Variants in GLT8D2 observed in about 807,000 individuals in gnomAD.
The protein encoded by GLT8D2 is glycosyltransferase 8 domain-containing protein 2.
A neutral mutation model predicts 44.5 loss-of-function variants in GLT8D2; 45 were observed. The observed-to-expected ratio is 1.01, with a 90% CI of 0.80 to 1.30. The LOEUF (loss-of-function observed/expected upper bound fraction) is 1.30, where lower values mean the gene tolerates loss of function less well. Ranked by LOEUF, GLT8D2 falls within the 50% of genes most tolerant of loss-of-function variation. GLT8D2 has a pLI of 0.00. For synonymous variants in GLT8D2, 156 were observed against 157.2 expected, an observed-to-expected ratio of 0.99 and a Z score of 0.06; for missense variants, 400 against 430.4, an observed-to-expected ratio of 0.93 and a Z score of 0.62.
rs138364685 is a variant in GLT8D2, at chr12:104,034,231, A to C, written c.-163-12740T>G. On this transcript the variant is annotated intron_variant, in intron 1 of 10. Transcript: ENST00000360814. Reference sequence around the variant, plus strand: ...CAGCTCCCAGCGTGATTGATGCAGAAGATGGGTGATTTCTGCATTTCCAAC... The same window carrying C: ...CAGCTCCCAGCGTGATTGATGCAGACGATGGGTGATTTCTGCATTTCCAAC... 8.7e-3 allele frequency among the ~76,000 whole-genome samples: 1,322 copies of C among 152,378 alleles called. 6 individuals carry two copies. The highest frequency in any genetic ancestry group is 0.034 in the Middle Eastern group (10 of 294).
Position 103,989,218 on chromosome 12 carries a change from T to C in GLT8D2, c.*190A>G, listed in dbSNP as rs188629782. 1.9e-4 allele frequency: 80 copies of C among 427,798 alleles called. No homozygotes were observed. In the Middle Eastern group the frequency reaches 3.7e-3, roughly 20 times the overall value. 26.5% of individuals were successfully genotyped at this position (427,798 alleles called of 1,614,324 possible). A position where few individuals can be genotyped will look rare whatever the true frequency, so the allele number is the denominator to read the frequency against. On this transcript the variant is annotated 3_prime_UTR_variant, in exon 11 of 11. Coordinates refer to ENST00000360814, the MANE Select transcript of GLT8D2 (RefSeq NM_001384711.1). The stretch of plus-strand genomic sequence containing the variant: ...CACATAATCTTGATTTCCATAGTTA[T>C]CACATGTACTTAAAGAAGTTAATCA...
Position 103,996,840 on chromosome 12 carries a change from G to C in GLT8D2, c.495C>G (p.Ile165Met), listed in dbSNP as rs1337182989. ...CCAAGGTGGTGTCATACAGTTCTTG[G>C]ATATCACCTGAATTTAGAAACACCA... ...LDDDVIVQGD[I>M]QELYDTTLAL... Residue 165 changes from isoleucine to methionine, a missense_variant, in exon 8 of 11, where the codon ATC (isoleucine) becomes ATG (methionine). Ile to Met is a conservative substitution (Grantham distance 10). Coordinates refer to ENST00000360814, the MANE Select transcript of GLT8D2 (RefSeq NM_001384711.1). The C allele has an allele frequency of 6.2e-7, 1 of 1,609,928 alleles. No homozygotes were observed. Among genetic ancestry groups the C allele is most frequent in the African/African-American group, 1.3e-5 (1 of 74,772 alleles).
chr12:104,059,294 A>T (rs1002372811), intron 1 of GLT8D2, among the ~76,000 whole-genome samples: 12 of 152,166 alleles, frequency 7.9e-5, no homozygotes, highest in Non-Finnish European at 1.5e-4. Context: ...CAGGACTTTG[A>T]TCCACCAAAT....
Position 103,999,477 on chromosome 12 carries a change from A to T in GLT8D2, c.322T>A (p.Phe108Ile). 1 of 1,612,616 alleles carries T rather than the reference A, an allele frequency of 6.2e-7. No homozygotes were observed. The highest frequency in any genetic ancestry group is 8.5e-7 in the Non-Finnish European group (1 of 1,179,072). Residue 108 changes from phenylalanine (F) to isoleucine (I), a missense_variant, in exon 6 of 11, where the codon TTT (phenylalanine) becomes ATT (isoleucine). Coordinates refer to ENST00000360814, the MANE Select transcript of GLT8D2 (RefSeq NM_001384711.1). The part of the protein sequence containing the change: ...IEHSKLREIN[F>I]KIVEFNPMVL... ...ATCGGGTTGAATTCCACGATTTTAA[A>T]GTTTATTTCTCTCAGTTTGGAATGT... is the stretch of plus-strand genomic sequence containing the variant.
At chr12:104,003,370 C>A (rs1330766267) in intron 4 of GLT8D2, 64 bp from the exon 5 acceptor site, 4 of 1,381,174 alleles carry the variant, frequency 2.9e-6, no homozygotes, top group Non-Finnish European at 4.1e-6. Context: ...CAGTTTAATG[C>A]ATCTTCCATA....
intron 8 of GLT8D2, 120 bp from the exon 9 acceptor site, chr12:103,994,621 G>C: frequency 1.2e-6 from 1 of 808,786 alleles, no homozygotes; most frequent in East Asian, 2.6e-5. Context: ...ACTGGCCACT[G>C]GGTAGTTTGT....
intron 1 of GLT8D2, among the ~76,000 whole-genome samples, chr12:104,041,645 G>A (rs1277747343): frequency 6.6e-6 from 1 of 152,124 alleles, no homozygotes; most frequent in Non-Finnish European, 1.5e-5. Flanking sequence ...AGGTAATTAG[G>A]GGGTTCCCTT....
intron 1 of GLT8D2, among the ~76,000 whole-genome samples, chr12:104,055,294 T>C (rs184627579): frequency 2.6e-5 from 4 of 152,340 alleles, no homozygotes; most frequent in Non-Finnish European, 5.9e-5. Context: ...CTATAATCCA[T>C]TCAGGTCAGC....
In GLT8D2 at chr12:104,041,328, C is replaced by T. The variant is rs1009385349; in HGVS notation, c.-164+8567G>A. Among the ~76,000 whole-genome samples the T allele has an allele frequency of 1.8e-4, 28 of 152,210 alleles. 1 individual carries two copies. Among genetic ancestry groups the T allele is most frequent in the Admixed American group, 1.8e-3 (28 of 15,282 alleles). ...AGTCAGGAGGCTGAGGTAGGAGAAT[C>T]GCTTGAACCTGCGAGACAGAGGTTG... is the stretch of plus-strand genomic sequence containing the variant. On this transcript the variant is annotated intron_variant, in intron 1 of 10. Coordinates refer to ENST00000360814, the MANE Select transcript of GLT8D2 (RefSeq NM_001384711.1).
At chr12:104,012,737 A>G in intron 4 of GLT8D2, 1 of 679,352 alleles carries the variant, frequency 1.5e-6, no homozygotes, top group Non-Finnish European at 2.7e-6. Flanking sequence ...CCAGCATCTC[A>G]GGATGTCCAT....
At position 103,989,549 on chromosome 12, in the gene GLT8D2, C is replaced by T; in HGVS notation, c.909G>A (p.Glu303=). ...LGWNPDARYS[E]HFLQEAKLLH... is the part of the protein sequence containing the mutation. Reference sequence around the variant, plus strand: ...GTAATTTAGCTTCCTGCAGAAAATGCTCCGAATATCTGGCATCTGGATTCC... The same window carrying T: ...GTAATTTAGCTTCCTGCAGAAAATGTTCCGAATATCTGGCATCTGGATTCC... Residue 303 remains glutamate (E), a synonymous_variant, in exon 11 of 11, where the codon GAG becomes GAA. Transcript: ENST00000360814. The T allele has an allele frequency of 6.2e-7, 1 of 1,612,912 alleles. No homozygotes were observed.
At chr12:104,016,680 A>G (rs1383714904) in intron 3 of GLT8D2, among the ~76,000 whole-genome samples, 45 of 87,474 alleles carry the variant, frequency 5.1e-4, no homozygotes, top group South Asian at 4.7e-3. Flanking sequence ...GAGAGAGAGA[A>G]AGAAAAGAAA....
intron 2 of GLT8D2, among the ~76,000 whole-genome samples, chr12:104,020,920 G>C (rs757049129): frequency 6.6e-6 from 1 of 152,196 alleles, no homozygotes; most frequent in African/African-American, 2.4e-5. Context: ...GGATACTACT[G>C]TGCCTGAAGA....
chr12:104,039,920 A>G (rs189175276), intron 1 of GLT8D2, among the ~76,000 whole-genome samples: 5,046 of 152,250 alleles, frequency 0.033, 283 homozygotes, highest in African/African-American at 0.12. Context: ...TGATAGACTG[A>G]ATTAAGAAAA....
Position 104,021,867 on chromosome 12 carries a change from AAAGAAGAAG to A in GLT8D2, c.-163-385_-163-377del, listed in dbSNP as rs1175888989. ...GAAGGAGAAGGAGAAGGAGAAGAAG[AAAGAAGAAG>A]AAGAAGAAGAAGAAGAAGAAGAAGA... On this transcript the variant is annotated intron_variant, in intron 1 of 10. Transcript: ENST00000360814. Among the ~76,000 whole-genome samples the A allele has an allele frequency of 3.8e-3, 360 of 93,528 alleles. 5 individuals are homozygous for A. Among genetic ancestry groups the A allele is most frequent in the Non-Finnish European group, 5.1e-3 (230 of 44,912 alleles). 61.4% of individuals were successfully genotyped at this position (93,528 alleles called of 152,430 possible). A position where few individuals can be genotyped will look rare whatever the true frequency, so the allele number is the denominator to read the frequency against.
At chr12:104,047,494 C>T (rs954776330) in intron 1 of GLT8D2, among the ~76,000 whole-genome samples, 42 of 151,934 alleles carry the variant, frequency 2.8e-4, no homozygotes, top group Admixed American at 1.7e-3. Flanking sequence ...TCAGTAGGGA[C>T]GGGGTTTCTC....
At chr12:104,030,883 C>G (rs1879165802) in intron 1 of GLT8D2, 1 of 1,557,392 alleles carries the variant, frequency 6.4e-7, no homozygotes, top group Non-Finnish European at 8.8e-7. Flanking sequence ...CGGCGGGCCA[C>G]GAGGAGGCGA....
upstream of GLT8D2, among the ~76,000 whole-genome samples, chr12:104,054,493 G>A (rs945393588): frequency 6.6e-6 from 1 of 151,454 alleles, no homozygotes; most frequent in Non-Finnish European, 1.5e-5. Flanking sequence ...ATATCCAAAG[G>A]AAATAAAATC....
chr12:104,047,440 G>C (rs1881287699), intron 1 of GLT8D2, among the ~76,000 whole-genome samples: 1 of 151,980 alleles, frequency 6.6e-6, no homozygotes, highest in African/African-American at 2.4e-5. Context: ...AAATAGCTGG[G>C]ATTACAGGCA....
Sources: gnomAD v4.1 joint callset for allele counts (sites outside exome capture counted in the v4.1 genomes callset) on GRCh38, gnomAD v4.1.1 for gene constraint, MANE v1.5 for transcripts, NCBI Gene and HGNC (gene_info 2026-07-23, HGNC 2026-07-21) for gene names.